The following TAX1BP1 variants were observed in gnomAD, a reference collection of about 807,000 sequenced individuals.
TAX1BP1 encodes the protein Tax1 binding protein 1, also known as tax1-binding protein 1.
Under a neutral mutation model 97.7 loss-of-function variants are expected in TAX1BP1, and 62 were observed. The observed-to-expected ratio is 0.63, with a 90% CI of 0.52 to 0.78. The LOEUF (loss-of-function observed/expected upper bound fraction) is 0.78, where lower values mean the gene tolerates loss of function less well. Ranked by LOEUF, TAX1BP1 falls within the 30% of genes least tolerant of loss-of-function variation. The probability of loss-of-function intolerance (pLI) is 0.00; values close to 1 mark genes in which losing one functional copy is unlikely to be tolerated. For synonymous variants in TAX1BP1, 340 were observed against 304.2 expected (o/e 1.12, Z -1.23); for missense variants, 867 against 916.1 (o/e 0.95, Z 0.69).
At chr7:27,788,899 A>T (rs565882692) in intron 8 of TAX1BP1, among the ~76,000 whole-genome samples, 1 of 151,996 alleles carries the variant, frequency 6.6e-6, no homozygotes, top group Non-Finnish European at 1.5e-5. Flanking sequence ...TGCTTTGCAC[A>T]TTCAGTGGGT....
chr7:27,825,611 A>G (rs1055756998), intron 15 of TAX1BP1, among the ~76,000 whole-genome samples: 8 of 152,200 alleles, frequency 5.3e-5, no homozygotes, highest in Non-Finnish European at 8.8e-5. Context: ...TCGGGTTATC[A>G]TTGCCAAATT....
At position 27,787,495 on chromosome 7, in the gene TAX1BP1, CAAAG is replaced by C; in HGVS notation, c.935_938del (p.Glu312AlafsTer2). Reference sequence around the variant, plus strand: ...AGACTTTAAAAAATTTAGATGGGAACAAAGAAAGCGTGATTACTCATTTCAAAGA... The same window carrying C: ...AGACTTTAAAAAATTTAGATGGGAACAAAGCGTGATTACTCATTTCAAAGA... On this transcript the variant is annotated frameshift_variant, in exon 8 of 17. Transcript: ENST00000396319. LOFTEE classifies it high-confidence loss of function. The C allele has an allele frequency of 6.2e-7, 1 of 1,613,504 alleles. No individual in the cohort carries two copies. The highest frequency in any genetic ancestry group is 8.5e-7 in the Non-Finnish European group (1 of 1,179,696).
intron 13 of TAX1BP1, among the ~76,000 whole-genome samples, chr7:27,803,845 G>A (rs1790234002): frequency 6.6e-6 from 1 of 151,282 alleles, no homozygotes; most frequent in Non-Finnish European, 1.5e-5. Flanking sequence ...GGTTAATAAA[G>A]GTAAAGTGCT....
intron 13 of TAX1BP1, among the ~76,000 whole-genome samples, chr7:27,806,091 T>TG (rs1583396338): frequency 1.3e-5 from 2 of 151,664 alleles, no homozygotes; most frequent in African/African-American, 2.4e-5. Context: ...AGTTTCAGTT[T>TG]TTTTTTTTTT....
At chr7:27,803,397 A>G (rs984263202) in intron 13 of TAX1BP1, among the ~76,000 whole-genome samples, 2 of 152,246 alleles carry the variant, frequency 1.3e-5, no homozygotes, top group Non-Finnish European at 2.9e-5. Context: ...AAAACCTCAC[A>G]TTCACATAGA....
chr7:27,814,492 T>C (rs1483243311), intron 13 of TAX1BP1, among the ~76,000 whole-genome samples: 10 of 152,232 alleles, frequency 6.6e-5, no homozygotes, highest in African/African-American at 2.4e-4. Flanking sequence ...CTAAGTTTTC[T>C]AGTCCATGAA....
intron 3 of TAX1BP1, 121 bp from the exon 4 acceptor site, chr7:27,765,712 CA>C (rs1562706995): frequency 1.2e-6 from 1 of 835,730 alleles, no homozygotes; most frequent in African/African-American, 1.7e-5. Flanking sequence ...GGAGGAAGGA[CA>C]TATCCCAGAT....
chr7:27,807,444 C>T (rs530763368), intron 13 of TAX1BP1, among the ~76,000 whole-genome samples: 1 of 151,978 alleles, frequency 6.6e-6, no homozygotes, highest in Admixed American at 6.6e-5. Flanking sequence ...AACTTTATAG[C>T]CTTTCTTAAC....
At chr7:27,800,123 G>T in intron 13 of TAX1BP1, 33 bp downstream of exon 13, 2 of 1,502,934 alleles carry the variant, frequency 1.3e-6, no homozygotes, top group Non-Finnish European at 1.8e-6. Context: ...GTAAACTTAA[G>T]GCATAAACTT....
In TAX1BP1 at chr7:27,796,463, T is replaced by A. The variant is rs1280629498; in HGVS notation, c.1638+244T>A. 5.9e-5 allele frequency among the ~76,000 whole-genome samples: 9 copies of A among 152,206 alleles called. No individual in the cohort carries two copies. In the East Asian group the frequency reaches 1.5e-3, roughly 26 times the overall value. The stretch of plus-strand genomic sequence containing the variant: ...TTTTCACCTAATAAAATGTTCTTGT[T>A]TGGGTAATGGGCAAATAGTTAATTG... On this transcript the variant is annotated intron_variant, in intron 12 of 16. Coordinates refer to ENST00000396319, the MANE Select transcript of TAX1BP1 (RefSeq NM_006024.7).
chr7:27,796,864 TAATA>T (rs1041120631), intron 12 of TAX1BP1, among the ~76,000 whole-genome samples: 36 of 151,858 alleles, frequency 2.4e-4, no homozygotes, highest in African/African-American at 8.4e-4. Context: ...TAAAAAAAAA[TAATA>T]AATAAAATAA....
intron 13 of TAX1BP1, among the ~76,000 whole-genome samples, chr7:27,805,917 C>G (rs1790318062): frequency 6.6e-6 from 1 of 152,126 alleles, no homozygotes; most frequent in Non-Finnish European, 1.5e-5. Context: ...GGAAGTGATG[C>G]CCCAAAATTT....
intron 7 of TAX1BP1, 46 bp from the exon 8 acceptor site, chr7:27,787,372 G>T (rs1029971470): frequency 1.3e-6 from 2 of 1,487,176 alleles, no homozygotes. Flanking sequence ...GACTAACTTA[G>T]GTCATGGAGT....
chr7:27,764,890 C>T (rs1440521314), intron 3 of TAX1BP1, among the ~76,000 whole-genome samples: 1 of 148,356 alleles, frequency 6.7e-6, no homozygotes, highest in African/African-American at 2.5e-5. Context: ...CAAGTGGGCT[C>T]CTGTATTTTT....
chr7:27,789,351 A>C (rs1789610377), intron 8 of TAX1BP1, among the ~76,000 whole-genome samples: 1 of 151,934 alleles, frequency 6.6e-6, no homozygotes, highest in African/African-American at 2.4e-5. Flanking sequence ...TGCTTTGTTC[A>C]GAAGTCAAAA....
At chr7:27,762,808 C>T (rs1191797522) in intron 3 of TAX1BP1, among the ~76,000 whole-genome samples, 1 of 152,020 alleles carries the variant, frequency 6.6e-6, no homozygotes, top group Admixed American at 6.6e-5. Context: ...CAAAATTAGC[C>T]AGGCATGGTG....
At chr7:27,820,288 T>C (rs1562745403) in intron 15 of TAX1BP1, among the ~76,000 whole-genome samples, 2 of 152,224 alleles carry the variant, frequency 1.3e-5, no homozygotes, top group Non-Finnish European at 2.9e-5. Flanking sequence ...ACTTTTCACA[T>C]GAGCCCTTCA....
At chr7:27,767,139 A>T (rs1788676061) in intron 4 of TAX1BP1, among the ~76,000 whole-genome samples, 1 of 152,096 alleles carries the variant, frequency 6.6e-6, no homozygotes, top group Admixed American at 6.5e-5. Context: ...TCCTATACCT[A>T]AAAAACTACA....
intron 3 of TAX1BP1, chr7:27,758,367 G>C: frequency 3.6e-6 from 1 of 275,020 alleles, no homozygotes; most frequent in Non-Finnish European, 6.8e-6. Context: ...CTGAAGAGTG[G>C]GTTTCTTTTT....
Sources: gnomAD v4.1 joint callset for allele counts (sites outside exome capture counted in the v4.1 genomes callset) on GRCh38, gnomAD v4.1.1 for gene constraint, MANE v1.5 for transcripts, NCBI Gene and HGNC (gene_info 2026-07-23, HGNC 2026-07-21) for gene names.